UNC5C: variants seen among roughly 807,000 people sequenced by gnomAD.
UNC5C encodes netrin receptor UNC5C.
A neutral mutation model predicts 99.8 loss-of-function variants in UNC5C; 47 were observed. The ratio of observed to expected loss-of-function variants is 0.47; its 90% CI spans 0.37 to 0.60. The LOEUF (loss-of-function observed/expected upper bound fraction) is 0.60. UNC5C is among the 20% of genes least tolerant of loss of function. The pLI is 0.00. For missense variants in UNC5C, 1,062 were observed against 1,165.9 expected, an observed-to-expected ratio of 0.91 and a Z score of 1.30; for synonymous variants, 487 against 452.2, an observed-to-expected ratio of 1.08 and a Z score of -0.98.
chr4:95,169,335 G>A lies in UNC5C; in HGVS notation c.2695C>T (p.Gln899Ter). The A allele has an allele frequency of 6.2e-7, 1 of 1,614,214 alleles. No individual in the cohort carries two copies. The highest frequency in any genetic ancestry group is 8.5e-7 in the Non-Finnish European group (1 of 1,180,040). Reference sequence around the variant, plus strand: ...CTCAGGTTTCCATCTGGGAAGTTCTGTGCTTCCCAAAGATCCAGGATTACG... The same window carrying A: ...CTCAGGTTTCCATCTGGGAAGTTCTATGCTTCCCAAAGATCCAGGATTACG... Reference protein sequence around the residue: ...TGVILDLWEAQNFPDGNLSML... With the variant: ...TGVILDLWEA The change falls in exon 16 of 16, where the codon CAG becomes TAG. Residue 899 changes from glutamine (Q) to a stop codon, truncating the protein, a stop_gained. Transcript: ENST00000453304. LOFTEE classifies it high-confidence loss of function.
At chr4:95,304,093 T>C (rs1579310271) in intron 2 of UNC5C, among the ~76,000 whole-genome samples, 1 of 152,116 alleles carries the variant, frequency 6.6e-6, no homozygotes, top group Non-Finnish European at 1.5e-5. Context: ...GCTTGTGTCA[T>C]AGAAACTACT....
At chr4:95,350,214 G>A (rs375608465) in intron 1 of UNC5C, among the ~76,000 whole-genome samples, 7 of 152,064 alleles carry the variant, frequency 4.6e-5, no homozygotes, top group South Asian at 2.1e-4. Flanking sequence ...CCGGCTGGGC[G>A]CGATGGTTCA....
intron 1 of UNC5C, among the ~76,000 whole-genome samples, chr4:95,481,781 A>G (rs370789217): frequency 7.2e-5 from 11 of 151,976 alleles, no homozygotes; most frequent in East Asian, 1.9e-4. Context: ...TTTAATAAAT[A>G]GTGCTGGGAA....
At chr4:95,324,570 G>T (rs1214009504) in intron 2 of UNC5C, among the ~76,000 whole-genome samples, 1 of 152,156 alleles carries the variant, frequency 6.6e-6, no homozygotes, top group Non-Finnish European at 1.5e-5. Context: ...GTTGGGGACT[G>T]TTGTGCTAAT....
chr4:95,174,542 G>A (rs1206414619), intron 14 of UNC5C, among the ~76,000 whole-genome samples: 1 of 152,148 alleles, frequency 6.6e-6, no homozygotes, highest in African/African-American at 2.4e-5. Flanking sequence ...TTTCTATGTA[G>A]TTGAGCGGTT....
intron 1 of UNC5C, among the ~76,000 whole-genome samples, chr4:95,375,749 G>A (rs1453433198): frequency 6.6e-6 from 1 of 152,132 alleles, no homozygotes; most frequent in Non-Finnish European, 1.5e-5. Flanking sequence ...TAGCATTATT[G>A]TGGAAGTTAT....
intron 3 of UNC5C, among the ~76,000 whole-genome samples, chr4:95,293,295 CTTTTTTTTTTTTTTT>C (rs1175837199): frequency 1.8e-5 from 1 of 56,882 alleles, no homozygotes; most frequent in African/African-American, 7.4e-5. Flanking sequence ...TAATAGTGAG[CTTTTTTTTTTTTTTT>C]TTTTTTTTTT....
chr4:95,273,403 AG>A (rs2149392025), intron 4 of UNC5C, among the ~76,000 whole-genome samples: 1 of 152,332 alleles, frequency 6.6e-6, no homozygotes, highest in Non-Finnish European at 1.5e-5. Context: ...AATCTGATAA[AG>A]CATCTCGGAA....
chr4:95,318,651 G>A (rs1292943774), intron 2 of UNC5C, among the ~76,000 whole-genome samples: 1 of 152,052 alleles, frequency 6.6e-6, no homozygotes, highest in Non-Finnish European at 1.5e-5. Flanking sequence ...GGTCATCCAG[G>A]GTGTAGCTAT....
At chr4:95,504,486 A>G (rs1191719923) in intron 1 of UNC5C, among the ~76,000 whole-genome samples, 1 of 152,114 alleles carries the variant, frequency 6.6e-6, no homozygotes, top group African/African-American at 2.4e-5. Flanking sequence ...TGTAAACTAA[A>G]CTTCTCAATA....
chr4:95,499,209 C>G (rs1721707679), intron 1 of UNC5C, among the ~76,000 whole-genome samples: 1 of 152,104 alleles, frequency 6.6e-6, no homozygotes, highest in Non-Finnish European at 1.5e-5. Context: ...AAGGAATACT[C>G]TGGATATAAT....
chr4:95,177,595 G>C lies in UNC5C; in HGVS notation c.2451+5302C>G, dbSNP rs114550905. Among the ~76,000 whole-genome samples the C allele has an allele frequency of 2.7e-3, 405 of 152,302 alleles. 1 individual carries two copies. Among genetic ancestry groups the C allele is most frequent in the African/African-American group, 9.1e-3 (377 of 41,574 alleles). On this transcript the variant is annotated intron_variant, in intron 14 of 15. Coordinates refer to ENST00000453304, the MANE Select transcript of UNC5C (RefSeq NM_003728.4). ...ATCCCATGGAACAGGGTCAATCCAG[G>C]GGTGTGGAGGGCATTTGAAATCTTT... is the stretch of plus-strand genomic sequence containing the variant.
At chr4:95,190,234 A>G (rs1737017098) in intron 12 of UNC5C, among the ~76,000 whole-genome samples, 1 of 152,004 alleles carries the variant, frequency 6.6e-6, no homozygotes, top group Non-Finnish European at 1.5e-5. Context: ...GTAAACTATC[A>G]CAAGAACAAA....
chr4:95,522,425 T>C (rs1722384320), intron 1 of UNC5C, among the ~76,000 whole-genome samples: 1 of 151,926 alleles, frequency 6.6e-6, no homozygotes, highest in Admixed American at 6.6e-5. Flanking sequence ...CAGGTGTGCA[T>C]GAGAGAGAGA....
intron 1 of UNC5C, among the ~76,000 whole-genome samples, chr4:95,387,388 C>G (rs1745242551): frequency 6.6e-6 from 1 of 152,204 alleles, no homozygotes; most frequent in Admixed American, 6.5e-5. Flanking sequence ...TATCTTCTCT[C>G]CTAGGCCTCC....
intron 5 of UNC5C, among the ~76,000 whole-genome samples, chr4:95,247,776 T>A (rs1739555448): frequency 6.6e-6 from 1 of 152,232 alleles, no homozygotes; most frequent in Non-Finnish European, 1.5e-5. Flanking sequence ...ATTGAAAGCA[T>A]AATATACATA....
At chr4:95,473,459 C>G (rs1443768800) in intron 1 of UNC5C, among the ~76,000 whole-genome samples, 1 of 151,996 alleles carries the variant, frequency 6.6e-6, no homozygotes, top group Non-Finnish European at 1.5e-5. Flanking sequence ...TGTGTTGTAT[C>G]CTTTTCTCTT....
intron 10 of UNC5C, among the ~76,000 whole-genome samples, chr4:95,212,413 C>T (rs542424823): frequency 1.3e-5 from 2 of 152,248 alleles, no homozygotes; most frequent in South Asian, 2.1e-4. Flanking sequence ...TCTGTCTACC[C>T]TTACAAACCT....
chr4:95,537,697 T>A (rs1376893883), intron 1 of UNC5C, among the ~76,000 whole-genome samples: 1 of 151,854 alleles, frequency 6.6e-6, no homozygotes, highest in Non-Finnish European at 1.5e-5. Flanking sequence ...AAACTTCAAT[T>A]TCATTTCAGA....
Sources: gnomAD v4.1 joint callset for allele counts (sites outside exome capture counted in the v4.1 genomes callset) on GRCh38, gnomAD v4.1.1 for gene constraint, MANE v1.5 for transcripts, NCBI Gene and HGNC (gene_info 2026-07-23, HGNC 2026-07-21) for gene names.